The following STAG1 variants were observed in gnomAD, a reference collection of about 807,000 sequenced individuals.
The protein encoded by STAG1 is cohesin subunit SA-1.
Under a neutral mutation model 170.9 loss-of-function variants are expected in STAG1, and 26 were observed. The ratio of observed to expected loss-of-function variants is 0.15; its 90% CI spans 0.11 to 0.21. The LOEUF (loss-of-function observed/expected upper bound fraction) is 0.21. STAG1 is among the 10% of genes least tolerant of loss of function. STAG1 has a pLI of 1.00. For synonymous variants in STAG1, 514 were observed against 497.7 expected (o/e 1.03, Z -0.44); for missense variants, 964 against 1,509.5 (o/e 0.64, Z 5.99).
intron 1 of STAG1, among the ~76,000 whole-genome samples, chr3:136,714,003 A>C (rs1943454755): frequency 6.6e-6 from 1 of 152,004 alleles, no homozygotes; most frequent in African/African-American, 2.4e-5. Flanking sequence ...CAGCCTGGGC[A>C]ACAGAGCAAG....
At chr3:136,721,708 A>G (rs1559971986) in intron 1 of STAG1, among the ~76,000 whole-genome samples, 1 of 152,022 alleles carries the variant, frequency 6.6e-6, no homozygotes. Context: ...GTGAATCACA[A>G]GGTCAGGAGA....
rs148160750 is a variant in STAG1 at position 136,353,422 on chromosome 3, G to A, written c.3066-4059C>T. On this transcript the variant is annotated intron_variant, in intron 28 of 33. Coordinates refer to ENST00000383202, the MANE Select transcript of STAG1 (RefSeq NM_005862.3). ...CACATGGATTCATCATAGGAAAAAT[G>A]CTGAAAGCCAAGGATAAAAACAAAA... Among the ~76,000 whole-genome samples, 269 of 152,302 alleles carry A rather than the reference G, an allele frequency of 1.8e-3. 1 individual carries two copies. In the Middle Eastern group the frequency reaches 0.024, roughly 13 times the overall value.
intron 4 of STAG1, among the ~76,000 whole-genome samples, chr3:136,576,498 G>C (rs1169675046): frequency 6.6e-6 from 1 of 152,118 alleles, no homozygotes; most frequent in East Asian, 1.9e-4. Context: ...GATGACATTT[G>C]CTATAATTAT....
chr3:136,518,145 T>G, intron 7 of STAG1: 1 of 384,278 alleles, frequency 2.6e-6, no homozygotes, highest in East Asian at 3.8e-5. Context: ...AACAGGAAAA[T>G]GGGATATTTG....
At chr3:136,551,208 T>TGAGAGAGAGA (rs57609965) in intron 5 of STAG1, among the ~76,000 whole-genome samples, 85 of 44,418 alleles carry the variant, frequency 1.9e-3, no homozygotes, top group Non-Finnish European at 2.4e-3. Context: ...TGAGAGAGAG[T>TGAGAGAGAGA]GAGAGAGAGA....
chr3:136,567,906 C>A (rs1157607658), intron 5 of STAG1, among the ~76,000 whole-genome samples: 10 of 152,094 alleles, frequency 6.6e-5, no homozygotes, highest in Admixed American at 5.9e-4. Flanking sequence ...TAATGTATTT[C>A]CCCTCTTTCT....
chr3:136,400,641 T>C (rs1269086908), intron 21 of STAG1, among the ~76,000 whole-genome samples: 1 of 152,112 alleles, frequency 6.6e-6, no homozygotes, highest in Non-Finnish European at 1.5e-5. Flanking sequence ...GTTCAAGTGA[T>C]TCTCCTGGCT....
At chr3:136,523,234 T>C (rs1934785931) in intron 6 of STAG1, among the ~76,000 whole-genome samples, 1 of 152,204 alleles carries the variant, frequency 6.6e-6, no homozygotes, top group African/African-American at 2.4e-5. Flanking sequence ...GTACCTGTCA[T>C]TTCCCGGCTT....
intron 3 of STAG1, among the ~76,000 whole-genome samples, chr3:136,621,423 G>A (rs981239071): frequency 6.6e-6 from 1 of 152,116 alleles, no homozygotes; most frequent in East Asian, 1.9e-4. Context: ...TGCCAGGATA[G>A]CAATGAAACT....
At chr3:136,694,770 G>C (rs1410981839) in intron 1 of STAG1, among the ~76,000 whole-genome samples, 1 of 152,118 alleles carries the variant, frequency 6.6e-6, no homozygotes. Flanking sequence ...GAAATCTGGG[G>C]AACCTCACAA....
chr3:136,656,613 TTA>T (rs1007271953), intron 1 of STAG1, among the ~76,000 whole-genome samples: 49 of 59,554 alleles, frequency 8.2e-4, no homozygotes, highest in African/African-American at 7.2e-3. Context: ...CTCTCTGTAT[TTA>T]TTTGTGTGTG....
At chr3:136,391,365 CCT>C (rs1177067352) in intron 22 of STAG1, among the ~76,000 whole-genome samples, 2 of 141,032 alleles carry the variant, frequency 1.4e-5, no homozygotes, top group African/African-American at 5.1e-5. Flanking sequence ...TTACTTTAGC[CCT>C]CTTTTTTTTT....
chr3:136,672,685 C>A (rs1262100332), intron 1 of STAG1, among the ~76,000 whole-genome samples: 1 of 152,102 alleles, frequency 6.6e-6, no homozygotes, highest in Non-Finnish European at 1.5e-5. Context: ...AATGTTTTAA[C>A]CACTCCACTC....
intron 19 of STAG1, among the ~76,000 whole-genome samples, chr3:136,421,769 T>A (rs999645189): frequency 3.9e-5 from 6 of 152,194 alleles, no homozygotes; most frequent in African/African-American, 1.2e-4. Flanking sequence ...GTACGCTCTA[T>A]TCATTAGCAT....
intron 4 of STAG1, 70 bp from the exon 5 acceptor site, chr3:136,568,931 A>G: frequency 8.6e-7 from 1 of 1,160,852 alleles, no homozygotes; most frequent in Non-Finnish European, 1.2e-6. Context: ...ATTTTCAAAA[A>G]AGTTTGTGTG....
intron 1 of STAG1, among the ~76,000 whole-genome samples, chr3:136,673,417 A>G (rs75373557): frequency 0.02 from 3,033 of 152,076 alleles, 100 homozygotes; most frequent in African/African-American, 0.069. Flanking sequence ...ATTTTGGGGG[A>G]AAAATGAGTA....
intron 1 of STAG1, among the ~76,000 whole-genome samples, chr3:136,680,466 A>C (rs1339173020): frequency 1.3e-5 from 2 of 152,186 alleles, no homozygotes; most frequent in Admixed American, 1.3e-4. Context: ...ATTTTTAGTA[A>C]TACAGTAAAA....
At chr3:136,722,525 A>G (rs1933341055) in intron 1 of STAG1, among the ~76,000 whole-genome samples, 1 of 152,190 alleles carries the variant, frequency 6.6e-6, no homozygotes, top group African/African-American at 2.4e-5. Context: ...GTTTTTAAGT[A>G]ACTGTATGAG....
chr3:136,654,310 C>A (rs1423555488), intron 1 of STAG1, among the ~76,000 whole-genome samples: 3 of 152,070 alleles, frequency 2.0e-5, no homozygotes, highest in African/African-American at 7.2e-5. Flanking sequence ...AAAGTCAACA[C>A]ACATAAAAAA....
Sources: gnomAD v4.1 joint callset for allele counts (sites outside exome capture counted in the v4.1 genomes callset) on GRCh38, gnomAD v4.1.1 for gene constraint, MANE v1.5 for transcripts, NCBI Gene and HGNC (gene_info 2026-07-23, HGNC 2026-07-21) for gene names.